The following GIT2 variants were observed in gnomAD, a reference collection of about 807,000 sequenced individuals.
GIT2 encodes the protein ARF GTPase-activating protein GIT2.
GIT2 carries 32 observed loss-of-function variants against 100.3 expected under a neutral mutation model. The ratio of observed to expected loss-of-function variants is 0.32; its 90% confidence interval spans 0.24 to 0.43. GIT2 has a LOEUF of 0.43. Among genes scored for constraint, GIT2 ranks in the 20% least tolerant of loss-of-function variants. The probability of loss-of-function intolerance (pLI) is 1.00; values close to 1 mark genes in which losing one functional copy is unlikely to be tolerated. For missense variants in GIT2, 737 were observed against 975.1 expected, an observed-to-expected ratio of 0.76 and a Z score of 3.25; for synonymous variants, 353 against 364.1, an observed-to-expected ratio of 0.97 and a Z score of 0.35.
At chr12:109,985,366 T>C (rs973903433) in intron 4 of GIT2, among the ~76,000 whole-genome samples, 2 of 152,074 alleles carry the variant, frequency 1.3e-5, no homozygotes, top group Non-Finnish European at 2.9e-5. Flanking sequence ...TGCATTTCTA[T>C]GCAAAATTTC....
chr12:109,978,936 T>A (rs912470161), intron 7 of GIT2, among the ~76,000 whole-genome samples: 3 of 152,236 alleles, frequency 2.0e-5, no homozygotes, highest in African/African-American at 7.2e-5. Context: ...GTGAATGTTT[T>A]GTTATGAGAC....
chr12:109,975,438 T>C (rs1017534131), intron 7 of GIT2, among the ~76,000 whole-genome samples: 8 of 152,120 alleles, frequency 5.3e-5, no homozygotes, highest in South Asian at 2.1e-4. Context: ...CAAACTCCTA[T>C]GCTTAAGCGA....
rs1200253767 is a variant in GIT2, at chr12:109,962,597, C to A, written c.817-912G>T. On this transcript the variant is annotated intron_variant, in intron 9 of 19. Transcript: ENST00000355312. This position sits in a 1 kb window ranked among gnomAD's most constrained non-coding sequence, Gnocchi z 4.3. ...TGGAGGATAATTGAGGTCTTCCTGG[C>A]CCAGATGAGGTTAAGCCTCTTCTGG... Among the ~76,000 whole-genome samples, 1 of 152,188 alleles carries A rather than the reference C, an allele frequency of 6.6e-6. No individual in the cohort carries two copies. The highest frequency in any genetic ancestry group is 2.4e-5 in the African/African-American group (1 of 41,448).
In GIT2 at chr12:109,951,164, T is replaced by G. The variant is rs1337546450; in HGVS notation, c.1392+3A>C. The G allele has an allele frequency of 6.2e-7, 1 of 1,612,268 alleles. No homozygotes were observed. The highest frequency in any genetic ancestry group is 1.7e-5 in the Admixed American group (1 of 60,010). The stretch of plus-strand genomic sequence containing the variant: ...ACCGTCCTGGCATTTATTAACATGT[T>G]ACCTTTTTCTGCATAATTCTCAGCT... On this transcript the variant is annotated splice_donor_region_variant and intron_variant, in intron 14 of 19. Transcript: ENST00000355312.
chr12:109,976,657 C>A lies in GIT2; in HGVS notation c.718+4295G>T, dbSNP rs567868713. Among the ~76,000 whole-genome samples the A allele has an allele frequency of 1.6e-4, 24 of 149,452 alleles. 1 individual carries two copies. In the South Asian group the frequency reaches 4.9e-3, roughly 30 times the overall value. On this transcript the variant is annotated intron_variant, in intron 7 of 19. Transcript: ENST00000355312. ...AGGCAGGAGTGCAGTGGCACGATCT[C>A]GGCTCACTGTAACCTTTGCCTCCTA...
At position 109,938,533 on chromosome 12, in the gene GIT2, C is replaced by G. The variant is rs369214509; in HGVS notation, c.1850G>C (p.Trp617Ser). ...GTCTGGTACCAAGCCATCCCCTGGC[C>G]ACACCATACTTCTTTGCCGTCCCTT... is the stretch of plus-strand genomic sequence containing the variant. ...SRKGRQRSMVWPGDGLVPDTA... is the reference protein window; with the variant it reads ...SRKGRQRSMVSPGDGLVPDTA... Residue 617 changes from tryptophan to serine, a missense_variant, in exon 18 of 20, where the codon TGG (tryptophan) becomes TCG (serine). Trp to Ser is a radical substitution (Grantham distance 177, BLOSUM62 -3). Coordinates refer to ENST00000355312, the MANE Select transcript of GIT2 (RefSeq NM_057169.5). 9.3e-6 allele frequency: 15 copies of G among 1,609,574 alleles called. No homozygotes were observed. The highest frequency in any genetic ancestry group is 1.3e-5 in the Non-Finnish European group (15 of 1,178,424).
intron 14 of GIT2, 86 bp downstream of exon 14, chr12:109,951,081 C>T (rs1162227635): frequency 1.7e-6 from 2 of 1,184,666 alleles, no homozygotes; most frequent in East Asian, 2.3e-5. Context: ...GTTTTTCTTT[C>T]CTCGGACCAC....
upstream of GIT2, chr12:109,999,895 C>T: frequency 3.0e-6 from 3 of 993,336 alleles, no homozygotes; most frequent in South Asian, 1.8e-5. This position sits in a 1 kb window ranked among gnomAD's most constrained non-coding sequence, Gnocchi z 4.3. Context: ...CCCCAGACCC[C>T]TTCCACTTTG....
chr12:109,997,083 G>T (rs963070920), upstream of GIT2, among the ~76,000 whole-genome samples: 9 of 151,762 alleles, frequency 5.9e-5, no homozygotes, highest in Non-Finnish European at 1.2e-4. Flanking sequence ...AGTGGCAGGA[G>T]CCTGTAATCT....
At chr12:109,952,759 C>T in intron 13 of GIT2, 1 of 455,950 alleles carries the variant, frequency 2.2e-6, no homozygotes, top group South Asian at 1.8e-5. Flanking sequence ...CACTTTGTGC[C>T]TTCTCCGCAG....
intron 7 of GIT2, among the ~76,000 whole-genome samples, 165 bp from the exon 8 acceptor site, chr12:109,967,668 G>A (rs1882843871): frequency 6.6e-6 from 1 of 152,248 alleles, no homozygotes; most frequent in Non-Finnish European, 1.5e-5. Context: ...CCAGCTAGTA[G>A]TAAGGCTCAT....
upstream of GIT2, chr12:109,999,518 G>A (rs1479225672): frequency 2.8e-6 from 1 of 352,872 alleles, no homozygotes; most frequent in East Asian, 4.8e-5. This position sits in a 1 kb window ranked among gnomAD's most constrained non-coding sequence, Gnocchi z 4.3. Flanking sequence ...GCCGGCCGGC[G>A]ACCCCGGACC....
Position 109,953,219 on chromosome 12 carries a change from A to T in GIT2, c.1115T>A (p.Ile372Lys). ...GTGCTGGTTATTGATGGTTTTCAGT[A>T]TGAGCTCCACATTGTCTATCAATAA... ...LSGSKDNVEL[I>K]LKTINNQHSV... Residue 372 changes from isoleucine to lysine, a missense_variant, in exon 13 of 20, where the codon ATA becomes AAA. Coordinates refer to ENST00000355312, the MANE Select transcript of GIT2 (RefSeq NM_057169.5). 2.5e-6 allele frequency: 4 copies of T among 1,613,982 alleles called. No individual in the cohort carries two copies. The highest frequency in any genetic ancestry group is 3.4e-6 in the Non-Finnish European group (4 of 1,179,846).
Position 109,988,993 on chromosome 12 carries a change from G to A in GIT2, c.375C>T (p.Asp125=), listed in dbSNP as rs61754619. 3,685 of 1,609,740 alleles carry A rather than the reference G, an allele frequency of 2.3e-3. 94 individuals carry two copies. In the African/African-American group the frequency reaches 0.044, roughly 19 times the overall value. Residue 125 remains aspartate (D), a synonymous_variant, in exon 4 of 20, where the codon GAC becomes GAT. Coordinates refer to ENST00000355312, the MANE Select transcript of GIT2 (RefSeq NM_057169.5). The stretch of plus-strand genomic sequence containing the variant: ...TAAGATCTTTGGCAGTCACACTATC[G>A]TCATCCCGGCAGGGCAAGCGATGGA... ...AFVHRLPCRD[D]DSVTAKDLSK...
Position 109,933,078 on chromosome 12 carries a change from T to A in GIT2, c.2180A>T (p.Asp727Val). ...GACCTGCTGCGTGACCAGCTGAACG[T>A]CTGTGGGTGAGCCGGGGTCCCCTGG... ...TLPGDPGSPT[D>V]VQLVTQQVIQ... The change falls in exon 20 of 20, where the codon GAC becomes GTC. Residue 727 changes from aspartate to valine, a missense_variant. Asp to Val is a radical substitution (Grantham distance 152, BLOSUM62 -3). Coordinates refer to ENST00000355312, the MANE Select transcript of GIT2 (RefSeq NM_057169.5). The surrounding 1 kb of genome is among the most constrained non-coding windows in gnomAD (Gnocchi z 4.5). 2 of 1,613,682 alleles carry A rather than the reference T, an allele frequency of 1.2e-6. No individual in the cohort carries two copies. The highest frequency in any genetic ancestry group is 1.7e-6 in the Non-Finnish European group (2 of 1,179,560).
rs142934133 is a variant in GIT2 at position 109,991,358 on chromosome 12, G to A, written c.186+269C>T. Among the ~76,000 whole-genome samples the A allele has an allele frequency of 3.6e-3, 537 of 151,134 alleles. 3 individuals are homozygous for A. The highest frequency in any genetic ancestry group is 0.013 in the African/African-American group (516 of 41,172). ...GATGACAGTCTAGAAAGTCAACAGA[G>A]CAACAGTACCAAGATATTTTAATGA... On this transcript the variant is annotated intron_variant, in intron 2 of 19. Coordinates refer to ENST00000355312, the MANE Select transcript of GIT2 (RefSeq NM_057169.5).
In GIT2 at chr12:109,933,858, C is replaced by T. The variant is rs1007282698; in HGVS notation, c.2067+164G>A. 1.7e-6 allele frequency: 1 copy of T among 605,788 alleles called. No individual in the cohort carries two copies. The highest frequency in any genetic ancestry group is 2.6e-5 in the Admixed American group (1 of 39,032). 37.5% of individuals were successfully genotyped at this position (605,788 alleles called of 1,614,324 possible). On this transcript the variant is annotated intron_variant, in intron 19 of 19. Coordinates refer to ENST00000355312, the MANE Select transcript of GIT2 (RefSeq NM_057169.5). This position sits in a 1 kb window ranked among gnomAD's most constrained non-coding sequence, Gnocchi z 4.5. ...TCAGGTGATCTGCCTGTCTCGGCCT[C>T]CCAAAGTGCTGGGGTTACAGGCGTG...
intron 11 of GIT2, 57 bp from the exon 12 acceptor site, chr12:109,960,015 A>G: frequency 8.7e-7 from 1 of 1,142,984 alleles, no homozygotes; most frequent in Non-Finnish European, 1.3e-6. Flanking sequence ...ATACATAAAT[A>G]GTCACATAAA....
intron 6 of GIT2, 124 bp from the exon 7 acceptor site, chr12:109,981,170 C>T (rs1886240039): frequency 1.4e-6 from 1 of 704,194 alleles, no homozygotes; most frequent in Admixed American, 2.1e-5. Context: ...GAATCATCAA[C>T]CTTCTTGTGG....
Sources: gnomAD v4.1 joint callset for allele counts (sites outside exome capture counted in the v4.1 genomes callset) on GRCh38, gnomAD v4.1.1 for gene constraint, Gnocchi (gnomAD v3.1) non-coding constraint, MANE v1.5 for transcripts, NCBI Gene and HGNC (gene_info 2026-07-23, HGNC 2026-07-21) for gene names.